EYA1: variants seen among roughly 807,000 people sequenced by gnomAD.
EYA1 encodes EYA transcriptional coactivator and phosphatase 1.
In EYA1, 16 loss-of-function variants were observed where a neutral mutation model predicts 82.0. The observed-to-expected ratio is 0.20, with a 90% CI of 0.13 to 0.30. The LOEUF is 0.30. Ranked by LOEUF, EYA1 falls within the 10% of genes least tolerant of loss-of-function variation. EYA1 has a pLI of 1.00. For synonymous variants in EYA1, 261 were observed against 264.4 expected (o/e 0.99, Z 0.12); for missense variants, 633 against 730.7 (o/e 0.87, Z 1.54).
At chr8:71,289,239 T>G (rs551185833) in intron 9 of EYA1, among the ~76,000 whole-genome samples, 7 of 152,288 alleles carry the variant, frequency 4.6e-5, no homozygotes, top group African/African-American at 1.7e-4. Flanking sequence ...GTGAACTGAT[T>G]CAGGAAGTGG....
At chr8:71,498,397 A>G (rs1563676289) in intron 2 of EYA1, among the ~76,000 whole-genome samples, 1 of 152,194 alleles carries the variant, frequency 6.6e-6, no homozygotes, top group Non-Finnish European at 1.5e-5. Flanking sequence ...CCATGAGAGA[A>G]CCTATTTGCA....
At chr8:71,330,485 G>A (rs146745316) in intron 4 of EYA1, among the ~76,000 whole-genome samples, 16 of 152,166 alleles carry the variant, frequency 1.1e-4, no homozygotes, top group Middle Eastern at 3.4e-3. Context: ...TCTCTCTAAC[G>A]AATTTCCTTT....
At chr8:71,298,249 T>C (rs987730640) in intron 9 of EYA1, among the ~76,000 whole-genome samples, 4 of 152,214 alleles carry the variant, frequency 2.6e-5, no homozygotes, top group African/African-American at 9.6e-5. Context: ...GCTTTAGCTC[T>C]GGAAACAGGC....
intron 9 of EYA1, among the ~76,000 whole-genome samples, chr8:71,274,275 T>G (rs1216618939): frequency 6.6e-6 from 1 of 152,214 alleles, no homozygotes; most frequent in East Asian, 1.9e-4. Flanking sequence ...ATAAAAGTGA[T>G]GCAAGCTAGT....
intron 2 of EYA1, among the ~76,000 whole-genome samples, chr8:71,382,492 C>T (rs186471650): frequency 6.6e-6 from 1 of 151,948 alleles, no homozygotes; most frequent in Non-Finnish European, 1.5e-5. Flanking sequence ...TTTATATTCA[C>T]TTCACATATA....
At chr8:71,447,649 G>C (rs1806997735) in intron 2 of EYA1, among the ~76,000 whole-genome samples, 1 of 152,138 alleles carries the variant, frequency 6.6e-6, no homozygotes, top group African/African-American at 2.4e-5. Flanking sequence ...CAATAAAAGT[G>C]AATATTGCAA....
chr8:71,354,601 T>C (rs1286326077), intron 3 of EYA1, among the ~76,000 whole-genome samples, 181 bp downstream of exon 3: 2 of 152,196 alleles, frequency 1.3e-5, no homozygotes, highest in African/African-American at 4.8e-5. Flanking sequence ...AATGTTACAA[T>C]AACTGGAAAC....
rs1223770727 is a variant in EYA1, at chr8:71,238,843, AG to A, written c.1140+5759del. Among the ~76,000 whole-genome samples the A allele has an allele frequency of 9.3e-4, 142 of 152,238 alleles. 1 individual carries two copies. Among genetic ancestry groups the A allele is most frequent in the African/African-American group, 3.1e-3 (128 of 41,578 alleles). On this transcript the variant is annotated intron_variant, in intron 12 of 17. Coordinates refer to ENST00000340726, the MANE Select transcript of EYA1 (RefSeq NM_000503.6). ...AATACTGCTGAATAATAGTGCTGAT[AG>A]AAGGCATTCTTATCTTGTTTTTACT... is the stretch of plus-strand genomic sequence containing the variant.
chr8:71,215,242 A>G, intron 16 of EYA1, 145 bp downstream of exon 16: 1 of 778,990 alleles, frequency 1.3e-6, no homozygotes. Flanking sequence ...GTCTAAATCC[A>G]GTTTTGCAAA....
At chr8:71,481,909 C>T (rs1042241387) in intron 2 of EYA1, among the ~76,000 whole-genome samples, 2 of 152,030 alleles carry the variant, frequency 1.3e-5, no homozygotes, top group Non-Finnish European at 2.9e-5. Context: ...TATTCTGATG[C>T]CCATCAGAAA....
At chr8:71,542,108 G>T (rs1815184196) in intron 1 of EYA1, among the ~76,000 whole-genome samples, 1 of 152,052 alleles carries the variant, frequency 6.6e-6, no homozygotes, top group Non-Finnish European at 1.5e-5. Flanking sequence ...ATATGTGCAG[G>T]TTTGTTATAT....
At chr8:71,378,419 T>C (rs767244963) in intron 2 of EYA1, among the ~76,000 whole-genome samples, 7 of 152,180 alleles carry the variant, frequency 4.6e-5, no homozygotes, top group Admixed American at 3.9e-4. Context: ...GCCTAAATCA[T>C]GAATTCAGGT....
chr8:71,235,561 G>C (rs570617237), intron 12 of EYA1, among the ~76,000 whole-genome samples: 3 of 152,094 alleles, frequency 2.0e-5, no homozygotes, highest in Admixed American at 2.0e-4. Context: ...AGCCAATACT[G>C]CTTGATTTGC....
intron 1 of EYA1, among the ~76,000 whole-genome samples, chr8:71,536,748 G>A (rs1375804584): frequency 6.6e-6 from 1 of 152,202 alleles, no homozygotes; most frequent in African/African-American, 2.4e-5. Flanking sequence ...CAGAGAACAT[G>A]TAGTAGTGTA....
Position 71,199,048 on chromosome 8 carries a change from T to C in EYA1, c.*292A>G, listed in dbSNP as rs1422780602. On this transcript the variant is annotated 3_prime_UTR_variant, in exon 18 of 18. Coordinates refer to ENST00000340726, the MANE Select transcript of EYA1 (RefSeq NM_000503.6). ...TAACAACTGAAGCGTTTGCAGGTCC[T>C]TTCTTCACAGGTTTGAACCGTGTAG... 4 of 458,214 alleles carry C rather than the reference T, an allele frequency of 8.7e-6. No homozygotes were observed. The highest frequency in any genetic ancestry group is 1.6e-5 in the Non-Finnish European group (4 of 248,548). The allele number at this position is 458,214 out of a possible 1,614,324, so 28.4% of individuals were successfully genotyped here. A position where few individuals can be genotyped will look rare whatever the true frequency, so the allele number is the denominator to read the frequency against.
intron 1 of EYA1, among the ~76,000 whole-genome samples, chr8:71,541,024 C>T (rs555766802): frequency 4.3e-4 from 65 of 152,334 alleles, no homozygotes; most frequent in African/African-American, 1.5e-3. Context: ...CCCTACTCAA[C>T]TCACTACTTC....
rs1812306787 is a variant in EYA1, at chr8:71,240,195, C to G, written c.1140+4408G>C. On this transcript the variant is annotated intron_variant, in intron 12 of 17. Coordinates refer to ENST00000340726, the MANE Select transcript of EYA1 (RefSeq NM_000503.6). ...ATAATGCTATTACCTAAAGACCATC[C>G]ACAAGCCCCTTTCCTTGGCCCTGGA... 3.9e-5 allele frequency among the ~76,000 whole-genome samples: 6 copies of G among 151,944 alleles called. 1 individual carries two copies. In the South Asian group the frequency reaches 1.2e-3, roughly 32 times the overall value.
At chr8:71,455,178 A>C (rs187083298) in intron 2 of EYA1, among the ~76,000 whole-genome samples, 1 of 152,296 alleles carries the variant, frequency 6.6e-6, no homozygotes, top group East Asian at 1.9e-4. Context: ...AAATTCCTTG[A>C]CACATACACC....
At chr8:71,299,287 T>G in intron 8 of EYA1, 54 bp from the exon 9 acceptor site, 38 of 1,540,672 alleles carry the variant, frequency 2.5e-5, no homozygotes, top group Non-Finnish European at 3.1e-5. Context: ...TGCTTATCTC[T>G]TACATATCAA....
Sources: gnomAD v4.1 joint callset for allele counts (sites outside exome capture counted in the v4.1 genomes callset) on GRCh38, gnomAD v4.1.1 for gene constraint, MANE v1.5 for transcripts, NCBI Gene and HGNC (gene_info 2026-07-23, HGNC 2026-07-21) for gene names.